CDC5L: variants seen among roughly 807,000 people sequenced by gnomAD.
The protein encoded by CDC5L is cell division cycle 5 like, also known as cell division cycle 5-like protein.
In CDC5L, 18 loss-of-function variants were observed where a neutral mutation model predicts 104.1. That is an observed-to-expected ratio of 0.17 (90% CI 0.12 to 0.26). CDC5L has a LOEUF of 0.26. CDC5L is among the 10% of genes least tolerant of loss of function. CDC5L has a pLI of 1.00. For synonymous variants in CDC5L, 331 were observed against 322.7 expected (o/e 1.03, Z -0.28); for missense variants, 673 against 956.9 (o/e 0.70, Z 3.91).
intron 7 of CDC5L, among the ~76,000 whole-genome samples, chr6:44,407,471 C>T (rs1014351039): frequency 2.6e-5 from 4 of 152,098 alleles, no homozygotes; most frequent in Non-Finnish European, 5.9e-5. Flanking sequence ...GAACTGTAGG[C>T]GTGCGCCACC....
intron 14 of CDC5L, among the ~76,000 whole-genome samples, chr6:44,436,426 G>A (rs895734173): frequency 5.6e-5 from 4 of 71,682 alleles, no homozygotes; most frequent in Non-Finnish European, 8.3e-5. Context: ...ATTTTACATC[G>A]TGGATTTTAA....
chr6:44,389,397 A>G (rs1790494319), intron 1 of CDC5L, among the ~76,000 whole-genome samples: 1 of 152,172 alleles, frequency 6.6e-6, no homozygotes, highest in Admixed American at 6.5e-5. Context: ...GATGTAGAGG[A>G]TGGAGTGGGG....
rs752211258 is a variant in CDC5L at position 44,392,998 on chromosome 6, G to T, written c.311+170G>T. Among the ~76,000 whole-genome samples the T allele has an allele frequency of 5.0e-4, 76 of 152,026 alleles. 1 individual carries two copies. The highest frequency in any genetic ancestry group is 1.5e-4 in the Non-Finnish European group (10 of 68,010). ...ATCTCAGATGGTTGATCAAAATTAT[G>T]CCTTCTGTCATATACTTCCTAAAAT... On this transcript the variant is annotated intron_variant, in intron 3 of 15. Coordinates refer to ENST00000371477, the MANE Select transcript of CDC5L (RefSeq NM_001253.4).
intron 8 of CDC5L, among the ~76,000 whole-genome samples, chr6:44,419,017 T>G (rs559929242): frequency 1.3e-5 from 2 of 152,262 alleles, no homozygotes; most frequent in East Asian, 3.9e-4. Flanking sequence ...ATCCCATTTG[T>G]CAGTTTTGTC....
chr6:44,399,257 T>A (rs1409036468), intron 5 of CDC5L, among the ~76,000 whole-genome samples: 1 of 152,210 alleles, frequency 6.6e-6, no homozygotes, highest in African/African-American at 2.4e-5. Flanking sequence ...CTGGCCTGTC[T>A]TACTGGTTTT....
chr6:44,417,894 AG>A (rs1490088432), intron 8 of CDC5L, among the ~76,000 whole-genome samples: 1 of 152,244 alleles, frequency 6.6e-6, no homozygotes, highest in African/African-American at 2.4e-5. Context: ...ATTTGGCCTA[AG>A]CTGGGAAATT....
chr6:44,409,904 A>G (rs929112382), intron 8 of CDC5L, among the ~76,000 whole-genome samples: 2 of 152,010 alleles, frequency 1.3e-5, no homozygotes, highest in African/African-American at 4.8e-5. Flanking sequence ...GCTTTCAGAG[A>G]AAGGGTTCAT....
At chr6:44,440,677 C>A (rs1694612618) in intron 14 of CDC5L, among the ~76,000 whole-genome samples, 1 of 151,750 alleles carries the variant, frequency 6.6e-6, no homozygotes, top group Admixed American at 6.6e-5. Flanking sequence ...CAAATACATA[C>A]CACTTCTTTG....
intron 14 of CDC5L, among the ~76,000 whole-genome samples, chr6:44,442,569 A>C (rs1793252377): frequency 6.6e-6 from 1 of 152,188 alleles, no homozygotes; most frequent in African/African-American, 2.4e-5. Context: ...TTGCATACAC[A>C]AACTATACAC....
At chr6:44,414,064 TG>T (rs1335108681) in intron 8 of CDC5L, among the ~76,000 whole-genome samples, 1 of 152,164 alleles carries the variant, frequency 6.6e-6, no homozygotes, top group Non-Finnish European at 1.5e-5. Flanking sequence ...ATGTGCTTAT[TG>T]GTTATTTTTA....
chr6:44,421,143 CTA>C (rs1343816090), intron 9 of CDC5L, among the ~76,000 whole-genome samples: 2 of 152,180 alleles, frequency 1.3e-5, no homozygotes, highest in East Asian at 3.8e-4. Flanking sequence ...TAATATTTTA[CTA>C]TATTTGCTTT....
Position 44,439,889 on chromosome 6 carries a change from A to T in CDC5L, c.2092-5766A>T, listed in dbSNP as rs183405736. On this transcript the variant is annotated intron_variant, in intron 14 of 15. Coordinates refer to ENST00000371477, the MANE Select transcript of CDC5L (RefSeq NM_001253.4). ...TAAATAACTTGCATCAGCTCAAAACAGCTGGGCAGCAATGCTGGGTTGTAA... is the reference window on the plus strand; with the variant it reads ...TAAATAACTTGCATCAGCTCAAAACTGCTGGGCAGCAATGCTGGGTTGTAA... Among the ~76,000 whole-genome samples the T allele has an allele frequency of 9.8e-5, 15 of 152,296 alleles. No individual in the cohort carries two copies. The East Asian group carries it at 2.9e-3, about 29-fold the overall frequency.
chr6:44,445,878 A>G lies in CDC5L; in HGVS notation c.2304+11A>G. On this transcript the variant is annotated intron_variant, in intron 15 of 15. Transcript: ENST00000371477. ...CCCCGGAGGCTAGAGGTAACGTTAT[A>G]TATTGAACTGTTGTTTAAAAAGAGT... The G allele has an allele frequency of 1.3e-6, 2 of 1,590,354 alleles. No individual in the cohort carries two copies. The highest frequency in any genetic ancestry group is 1.7e-6 in the Non-Finnish European group (2 of 1,158,958).
rs887670145 is a variant in CDC5L, at chr6:44,448,936, A to G, written c.*2225A>G. 3.3e-5 allele frequency: 5 copies of G among 152,240 alleles called. No individual in the cohort carries two copies. The highest frequency in any genetic ancestry group is 7.3e-5 in the Non-Finnish European group (5 of 68,038). 9.4% of individuals were successfully genotyped at this position (152,240 alleles called of 1,614,324 possible). ...TAAACAGTATACCATTTGGGCATCT[A>G]TTAAAGCATTCATATAATTGTTCTC... On this transcript the variant is annotated 3_prime_UTR_variant, in exon 16 of 16. Coordinates refer to ENST00000371477, the MANE Select transcript of CDC5L (RefSeq NM_001253.4).
Position 44,393,465 on chromosome 6 carries a change from G to C in CDC5L, c.331G>C (p.Asp111His). Residue 111 changes from aspartate to histidine, a missense_variant, in exon 4 of 16, where the codon GAC (aspartate) becomes CAC (histidine). By Grantham distance (81) the Asp-to-His change is moderately conservative. Transcript: ENST00000371477. ...TTCTAGGGATAAAGCTGCCCAAAGAGACAATGAAGAGGAAACAACAGATGA... is the reference window on the plus strand; with the variant it reads ...TTCTAGGGATAAAGCTGCCCAAAGACACAATGAAGAGGAAACAACAGATGA... ...EFLLDKAAQR[D>H]NEEETTDDPR... is the part of the protein sequence containing the mutation. 1.9e-6 allele frequency: 3 copies of C among 1,613,804 alleles called. No individual in the cohort carries two copies. The highest frequency in any genetic ancestry group is 2.5e-6 in the Non-Finnish European group (3 of 1,179,872).
chr6:44,421,956 T>C (rs1335689044), intron 9 of CDC5L, among the ~76,000 whole-genome samples: 1 of 152,124 alleles, frequency 6.6e-6, no homozygotes, highest in Non-Finnish European at 1.5e-5. Flanking sequence ...GATAACACCT[T>C]ACCTATCAGG....
At chr6:44,423,894 T>A (rs1186869253) in intron 10 of CDC5L, among the ~76,000 whole-genome samples, 1 of 152,202 alleles carries the variant, frequency 6.6e-6, no homozygotes, top group Non-Finnish European at 1.5e-5. Flanking sequence ...ACTTTCGGTG[T>A]CAGAAATGTG....
At chr6:44,390,240 G>A in intron 1 of CDC5L, 28 bp from the exon 2 acceptor site, 1 of 1,446,576 alleles carries the variant, frequency 6.9e-7, no homozygotes, top group Non-Finnish European at 9.7e-7. Context: ...TTTTGTGACT[G>A]AATGTACTCT....
rs1301039623 is a variant in CDC5L at position 44,426,146 on chromosome 6, A to G, written c.1613A>G (p.His538Arg). The change falls in exon 12 of 16, where the codon CAT becomes CGT. Residue 538 changes from histidine to arginine, a missense_variant. Transcript: ENST00000371477. ...CGTGTAAAGGAAATGAAACGAATGC[A>G]TAAAGCTGTCCAGAAAGATCTGCCA... is the stretch of plus-strand genomic sequence containing the variant. ...AERVKEMKRM[H>R]KAVQKDLPRP... 2 of 1,610,298 alleles carry G rather than the reference A, an allele frequency of 1.2e-6. No homozygotes were observed. Among genetic ancestry groups the G allele is most frequent in the Non-Finnish European group, 1.7e-6 (2 of 1,178,120 alleles).
Sources: gnomAD v4.1 joint callset for allele counts (sites outside exome capture counted in the v4.1 genomes callset) on GRCh38, gnomAD v4.1.1 for gene constraint, MANE v1.5 for transcripts, NCBI Gene and HGNC (gene_info 2026-07-23, HGNC 2026-07-21) for gene names.